Variants in PDE4D observed in about 807,000 individuals in gnomAD.
PDE4D encodes the protein phosphodiesterase 4D, also known as 3',5'-cyclic-AMP phosphodiesterase 4D.
A neutral mutation model predicts 87.4 loss-of-function variants in PDE4D; 24 were observed. The ratio of observed to expected loss-of-function variants is 0.27; its 90% CI spans 0.20 to 0.39. The LOEUF (loss-of-function observed/expected upper bound fraction) is 0.39. Among genes scored for constraint, PDE4D ranks in the 10% least tolerant of loss-of-function variants. PDE4D has a pLI of 1.00. For missense variants in PDE4D, 714 were observed against 1,041.0 expected (o/e 0.69, Z 4.32); for synonymous variants, 384 against 383.2 (o/e 1.00, Z -0.02).
chr5:59,596,194 T>C (rs1013382609), intron 1 of PDE4D, among the ~76,000 whole-genome samples: 5 of 151,318 alleles, frequency 3.3e-5, no homozygotes, highest in Non-Finnish European at 7.4e-5. Flanking sequence ...AAAGCAAATA[T>C]GACTATGTTA....
chr5:59,871,149 C>A (rs1581517094), intron 1 of PDE4D, among the ~76,000 whole-genome samples: 1 of 152,118 alleles, frequency 6.6e-6, no homozygotes, highest in East Asian at 1.9e-4. Context: ...TAATTAGCAT[C>A]CTTAATCAGT....
chr5:59,098,626 T>G (rs1770181603), intron 5 of PDE4D, among the ~76,000 whole-genome samples: 1 of 134,288 alleles, frequency 7.4e-6, no homozygotes, highest in Admixed American at 9.1e-5. Flanking sequence ...ATTGCTTGAG[T>G]GCAGGAGGCT....
intron 1 of PDE4D, among the ~76,000 whole-genome samples, chr5:60,480,727 A>G (rs892420971): frequency 4.6e-5 from 7 of 152,196 alleles, no homozygotes; most frequent in African/African-American, 1.4e-4. Flanking sequence ...TAGTTCAAAG[A>G]CTAGAAATAT....
At chr5:60,259,421 C>T (rs767004953) in intron 1 of PDE4D, among the ~76,000 whole-genome samples, 4 of 151,972 alleles carry the variant, frequency 2.6e-5, no homozygotes, top group Non-Finnish European at 4.4e-5. Flanking sequence ...CAGACAGAAT[C>T]AAGGTAATAG....
chr5:59,288,541 G>A (rs890275467), intron 1 of PDE4D, among the ~76,000 whole-genome samples: 1 of 151,888 alleles, frequency 6.6e-6, no homozygotes, highest in Non-Finnish European at 1.5e-5. Context: ...TTTATTCAAA[G>A]GGAAAATAAC....
intron 1 of PDE4D, among the ~76,000 whole-genome samples, chr5:59,384,284 C>T (rs1265539946): frequency 6.6e-6 from 1 of 152,160 alleles, no homozygotes; most frequent in Non-Finnish European, 1.5e-5. Context: ...CTTTGTAGCT[C>T]TCCACCCTCA....
intron 5 of PDE4D, among the ~76,000 whole-genome samples, chr5:59,105,960 C>T (rs1056204972): frequency 3.3e-5 from 5 of 152,114 alleles, no homozygotes; most frequent in African/African-American, 7.2e-5. Context: ...TGGAAGTGTT[C>T]GTGTAAGTGT....
intron 1 of PDE4D, among the ~76,000 whole-genome samples, chr5:60,426,547 G>C (rs1743736272): frequency 1.3e-5 from 2 of 152,048 alleles, no homozygotes; most frequent in African/African-American, 2.4e-5. Context: ...TGGGGGGTGG[G>C]GGATGGATAG....
intron 4 of PDE4D, among the ~76,000 whole-genome samples, chr5:59,181,079 T>C (rs1406856267): frequency 6.6e-6 from 1 of 152,226 alleles, no homozygotes; most frequent in Non-Finnish European, 1.5e-5. Context: ...AAGTGAATGA[T>C]TTGTTGTAAA....
intron 1 of PDE4D, among the ~76,000 whole-genome samples, chr5:59,251,415 A>C (rs972028865): frequency 6.6e-6 from 1 of 152,196 alleles, no homozygotes; most frequent in Admixed American, 6.6e-5. Flanking sequence ...GCGGCCAACA[A>C]GCATATGAAA....
At chr5:60,367,778 G>A (rs149556928) in intron 1 of PDE4D, among the ~76,000 whole-genome samples, 28 of 152,158 alleles carry the variant, frequency 1.8e-4, no homozygotes, top group African/African-American at 6.7e-4. Context: ...AATTTTTTCT[G>A]AGCCCATCAG....
chr5:60,029,021 C>T (rs997852359), intron 2 of PDE4D, among the ~76,000 whole-genome samples: 18 of 152,346 alleles, frequency 1.2e-4, no homozygotes, highest in African/African-American at 3.4e-4. Flanking sequence ...TATCTGTCCT[C>T]CCCGCTAAAT....
Position 60,312,186 on chromosome 5 carries a change from C to A in PDE4D, c.-89-126499G>T, listed in dbSNP as rs1755101655. Among the ~76,000 whole-genome samples, 3 of 152,046 alleles carry A rather than the reference C, an allele frequency of 2.0e-5. No individual in the cohort carries two copies. In the South Asian group the frequency reaches 6.3e-4, roughly 32 times the overall value. On this transcript the variant is annotated intron_variant, in intron 1 of 16. Transcript: ENST00000502484. The stretch of plus-strand genomic sequence containing the variant: ...TATTCGAGACCTGAACTTAACACTT[C>A]ACCTAATTGGCCTAACAGACATCTA...
intron 1 of PDE4D, among the ~76,000 whole-genome samples, chr5:59,411,664 G>A (rs1252059473): frequency 6.6e-6 from 1 of 152,074 alleles, no homozygotes; most frequent in East Asian, 1.9e-4. Context: ...GTATCATTCA[G>A]ATTGGATTAG....
chr5:59,830,586 G>C (rs1485843677), intron 1 of PDE4D, among the ~76,000 whole-genome samples: 1 of 152,062 alleles, frequency 6.6e-6, no homozygotes, highest in African/African-American at 2.4e-5. Context: ...TCATCTTCAT[G>C]TAGCCTTTAC....
chr5:60,458,473 G>C (rs1304887094), intron 1 of PDE4D, among the ~76,000 whole-genome samples: 1 of 150,034 alleles, frequency 6.7e-6, no homozygotes, highest in Non-Finnish European at 1.5e-5. Flanking sequence ...ATTTTGGAAT[G>C]ACACGTCTCC....
chr5:59,320,438 C>T (rs754621136), intron 1 of PDE4D, among the ~76,000 whole-genome samples: 2 of 151,882 alleles, frequency 1.3e-5, no homozygotes, highest in African/African-American at 4.8e-5. Context: ...GTATAAGTTA[C>T]CATTTATGAG....
intron 1 of PDE4D, among the ~76,000 whole-genome samples, chr5:59,323,858 G>C (rs1775159870): frequency 6.6e-6 from 1 of 152,030 alleles, no homozygotes; most frequent in Non-Finnish European, 1.5e-5. Flanking sequence ...CACTGCAGCA[G>C]AATAAAGTAG....
At chr5:59,428,117 T>G (rs1795576408) in intron 1 of PDE4D, among the ~76,000 whole-genome samples, 1 of 152,192 alleles carries the variant, frequency 6.6e-6, no homozygotes, top group Non-Finnish European at 1.5e-5. Context: ...TAAATGATCA[T>G]GTGGTCATGT....
Sources: gnomAD v4.1 joint callset for allele counts (sites outside exome capture counted in the v4.1 genomes callset) on GRCh38, gnomAD v4.1.1 for gene constraint, MANE v1.5 for transcripts, NCBI Gene and HGNC (gene_info 2026-07-23, HGNC 2026-07-21) for gene names.